Variants in RALGPS2 observed in about 807,000 individuals in gnomAD.
RALGPS2 encodes ras-specific guanine nucleotide-releasing factor RalGPS2.
A neutral mutation model predicts 86.8 loss-of-function variants in RALGPS2; 43 were observed. That is an observed-to-expected ratio of 0.50 (90% CI 0.39 to 0.64). RALGPS2 has a LOEUF of 0.64. Among genes scored for constraint, RALGPS2 ranks in the 30% least tolerant of loss-of-function variants. RALGPS2 has a pLI of 0.00. For synonymous variants in RALGPS2, 243 were observed against 231.3 expected (o/e 1.05, Z -0.46); for missense variants, 536 against 694.6 (o/e 0.77, Z 2.57).
intron 7 of RALGPS2, among the ~76,000 whole-genome samples, chr1:178,823,294 ATT>A (rs1298028759): frequency 6.6e-6 from 1 of 152,194 alleles, no homozygotes; most frequent in Non-Finnish European, 1.5e-5. Context: ...GATGGTTTGT[ATT>A]TTAAAATATT....
At chr1:178,747,708 T>C (rs1651415270) in intron 1 of RALGPS2, 1 of 1,392,712 alleles carries the variant, frequency 7.2e-7, no homozygotes, top group African/African-American at 1.4e-5. Flanking sequence ...CTGCCAGCGA[T>C]GCTGAGCATC....
At chr1:178,749,319 T>G (rs1244420050) in intron 1 of RALGPS2, among the ~76,000 whole-genome samples, 1 of 152,140 alleles carries the variant, frequency 6.6e-6, no homozygotes, top group Non-Finnish European at 1.5e-5. Flanking sequence ...AATCCTTGTC[T>G]TTACTAAAAA....
chr1:178,794,287 T>C (rs1056476638), intron 4 of RALGPS2, among the ~76,000 whole-genome samples: 2 of 152,144 alleles, frequency 1.3e-5, no homozygotes, highest in Non-Finnish European at 2.9e-5. Flanking sequence ...CAGCTAATTT[T>C]TGTATTTTTT....
intron 8 of RALGPS2, among the ~76,000 whole-genome samples, chr1:178,868,511 G>A (rs1003805519): frequency 6.6e-6 from 1 of 151,788 alleles, no homozygotes; most frequent in Admixed American, 6.6e-5. Context: ...AAAACAAATA[G>A]AATTTTATGA....
chr1:178,864,977 G>A (rs75231665), intron 8 of RALGPS2: 574 of 1,462,214 alleles, frequency 3.9e-4, no homozygotes, highest in African/African-American at 2.9e-3. Flanking sequence ...AGTTACCGGT[G>A]GTATCTTGAA....
At chr1:178,881,743 A>G (rs1177151494) in intron 10 of RALGPS2, among the ~76,000 whole-genome samples, 1 of 152,040 alleles carries the variant, frequency 6.6e-6, no homozygotes, top group Non-Finnish European at 1.5e-5. Context: ...GAGCCACCGC[A>G]CTCACTGACA....
At position 178,906,837 on chromosome 1, in the gene RALGPS2, G is replaced by T; in HGVS notation, c.1692G>T (p.Leu564Phe). The T allele has an allele frequency of 6.2e-7, 1 of 1,613,252 alleles. No homozygotes were observed. The highest frequency in any genetic ancestry group is 1.1e-5 in the South Asian group (1 of 90,866). ...ATGCAATGTTATGGTTTAAGCATTTGAGTGCAGCCTGCCAAAGTAACAAAC... is the reference window on the plus strand; with the variant it reads ...ATGCAATGTTATGGTTTAAGCATTTTAGTGCAGCCTGCCAAAGTAACAAAC... ...RMNAMLWFKHLSAACQSNKQQ... is the reference protein window; with the variant it reads ...RMNAMLWFKHFSAACQSNKQQ... Residue 564 changes from leucine to phenylalanine, a missense_variant, in exon 19 of 20, where the codon TTG becomes TTT. Coordinates refer to ENST00000367635, the MANE Select transcript of RALGPS2 (RefSeq NM_152663.5).
chr1:178,824,734 A>T (rs1321151842), intron 7 of RALGPS2, among the ~76,000 whole-genome samples: 3 of 152,206 alleles, frequency 2.0e-5, no homozygotes, highest in Non-Finnish European at 2.9e-5. Context: ...GCGTGAACCC[A>T]GGAGGCGGAG....
intron 14 of RALGPS2, among the ~76,000 whole-genome samples, chr1:178,890,111 T>A (rs1468012837): frequency 6.6e-6 from 1 of 151,958 alleles, no homozygotes; most frequent in Non-Finnish European, 1.5e-5. Context: ...AATTTTAAAT[T>A]ATACAAGTAA....
intron 16 of RALGPS2, among the ~76,000 whole-genome samples, chr1:178,896,194 C>A (rs1659930592): frequency 6.6e-6 from 1 of 151,982 alleles, no homozygotes; most frequent in Non-Finnish European, 1.5e-5. Context: ...CATCAGTGAC[C>A]TTGATGGCCC....
intron 19 of RALGPS2, among the ~76,000 whole-genome samples, chr1:178,913,558 T>C (rs546746950): frequency 6.6e-6 from 1 of 152,342 alleles, no homozygotes; most frequent in East Asian, 1.9e-4. Context: ...ACTGTGGTTT[T>C]TAGAGTTGCT....
At chr1:178,755,284 C>T (rs4540610) in intron 1 of RALGPS2, among the ~76,000 whole-genome samples, 12,227 of 152,134 alleles carry the variant, frequency 0.08, 521 homozygotes, top group African/African-American at 0.1. Context: ...TTGATCCCAT[C>T]ACCTTGGTAG....
rs748272969 is a variant in RALGPS2 at position 178,889,651 on chromosome 1, A to G, written c.1202A>G (p.Asp401Gly). The G allele has an allele frequency of 1.9e-5, 30 of 1,606,202 alleles. No homozygotes were observed. The highest frequency in any genetic ancestry group is 2.5e-5 in the Non-Finnish European group (29 of 1,175,016). ...LSSGISIGSS[D>G]GSELSEETSW... ...TAACTTTTCATTTTAGGTAGCAGCG[A>G]TGGTTCTGAACTAAGTGAAGAGACC... is the stretch of plus-strand genomic sequence containing the variant. Residue 401 changes from aspartate (D) to glycine (G), a missense_variant, in exon 14 of 20, where the codon GAT (aspartate) becomes GGT (glycine). Asp to Gly is a moderately conservative substitution (Grantham distance 94, BLOSUM62 -1). This residue lies in a region of RALGPS2 where 309 missense variants were observed against 363.0 expected (regional missense o/e 0.85). Coordinates refer to ENST00000367635, the MANE Select transcript of RALGPS2 (RefSeq NM_152663.5).
At chr1:178,728,426 A>G (rs1352461939) in intron 1 of RALGPS2, among the ~76,000 whole-genome samples, 1 of 101,614 alleles carries the variant, frequency 9.8e-6, no homozygotes, top group Non-Finnish European at 2.0e-5. Context: ...TTTGCTATGT[A>G]AAATAGGCAC....
chr1:178,735,252 G>A (rs1280106011), intron 1 of RALGPS2, among the ~76,000 whole-genome samples: 2 of 152,008 alleles, frequency 1.3e-5, no homozygotes, highest in South Asian at 2.1e-4. Context: ...AAAAGAGTAC[G>A]TACTCCATGA....
chr1:178,917,841 A>C lies in RALGPS2; in HGVS notation c.*1482A>C, dbSNP rs1660863249. On this transcript the variant is annotated 3_prime_UTR_variant, in exon 20 of 20. Transcript: ENST00000367635. ...ATGAATTTTAGCAGTGGCCTAGAGT[A>C]AGGTAATGCTTTGTGACTGATATCT... is the stretch of plus-strand genomic sequence containing the variant. 1 of 152,166 alleles carries C rather than the reference A, an allele frequency of 6.6e-6. No homozygotes were observed. The allele number at this position is 152,166 out of a possible 1,614,324, so 9.4% of individuals were successfully genotyped here.
At chr1:178,744,383 T>A (rs1163030536) in intron 1 of RALGPS2, among the ~76,000 whole-genome samples, 2 of 152,120 alleles carry the variant, frequency 1.3e-5, no homozygotes. Flanking sequence ...CTGAAAAAAC[T>A]GTAGGTAGTA....
chr1:178,799,096 G>C (rs527262474), intron 4 of RALGPS2, among the ~76,000 whole-genome samples: 19 of 152,266 alleles, frequency 1.2e-4, no homozygotes, highest in African/African-American at 4.6e-4. Flanking sequence ...CTAGAGTGCA[G>C]TGGCGCGATC....
intron 1 of RALGPS2, among the ~76,000 whole-genome samples, chr1:178,736,789 T>C (rs546354444): frequency 3.3e-5 from 5 of 151,926 alleles, no homozygotes; most frequent in Non-Finnish European, 7.4e-5. Context: ...TAGTCCCAGC[T>C]ACTCAGGAGG....
Sources: gnomAD v4.1 joint callset for allele counts (sites outside exome capture counted in the v4.1 genomes callset) on GRCh38, gnomAD v4.1.1 for gene constraint, gnomAD v4.1.1 regional missense constraint, MANE v1.5 for transcripts, NCBI Gene and HGNC (gene_info 2026-07-23, HGNC 2026-07-21) for gene names.